Variants in TANC2 observed in about 807,000 individuals in gnomAD.
The protein encoded by TANC2 is tetratricopeptide repeat, ankyrin repeat and coiled-coil containing 2.
In TANC2, 26 loss-of-function variants were observed where a neutral mutation model predicts 210.5. The ratio of observed to expected loss-of-function variants is 0.12; its 90% CI spans 0.09 to 0.17. TANC2 has a LOEUF of 0.17. Among genes scored for constraint, TANC2 ranks in the 10% least tolerant of loss-of-function variants. TANC2 has a pLI of 1.00. For synonymous variants in TANC2, 931 were observed against 967.1 expected, an observed-to-expected ratio of 0.96 and a Z score of 0.69; for missense variants, 2,129 against 2,608.9, an observed-to-expected ratio of 0.82 and a Z score of 4.01.
At chr17:63,188,586 C>CAAA (rs1046526941) in intron 5 of TANC2, among the ~76,000 whole-genome samples, 11 of 58,694 alleles carry the variant, frequency 1.9e-4, no homozygotes, top group African/African-American at 2.4e-4. Context: ...AGACTCTGTC[C>CAAA]AAAAAAAAAA....
At chr17:63,060,318 C>G (rs1054440902) in intron 2 of TANC2, among the ~76,000 whole-genome samples, 2 of 152,222 alleles carry the variant, frequency 1.3e-5, no homozygotes, top group African/African-American at 2.4e-5. Context: ...TACAATCTCT[C>G]TCTTTAAAAG....
At chr17:63,050,470 T>G (rs1351231531) in intron 2 of TANC2, among the ~76,000 whole-genome samples, 1 of 152,014 alleles carries the variant, frequency 6.6e-6, no homozygotes, top group African/African-American at 2.4e-5. Context: ...ACCATCAGCA[T>G]GATAAAACAT....
chr17:62,999,351 T>C (rs1325937353), intron 1 of TANC2, among the ~76,000 whole-genome samples: 1 of 152,168 alleles, frequency 6.6e-6, no homozygotes, highest in African/African-American at 2.4e-5. Flanking sequence ...GCAAGCCAAT[T>C]AAACCTCTTT....
chr17:63,299,916 G>A (rs372720594), intron 9 of TANC2, among the ~76,000 whole-genome samples: 1 of 152,060 alleles, frequency 6.6e-6, no homozygotes, highest in African/African-American at 2.4e-5. Flanking sequence ...ATGGTTTAGG[G>A]TTTTACATTT....
intron 6 of TANC2, among the ~76,000 whole-genome samples, chr17:63,197,158 C>T (rs2041373215): frequency 6.6e-6 from 1 of 152,110 alleles, no homozygotes; most frequent in South Asian, 2.1e-4. Context: ...GGGGAAATTA[C>T]ATCATAGCTT....
rs560603219 is a variant in TANC2, at chr17:63,242,223, T to G, written c.1033+4146T>G. 4.6e-5 allele frequency among the ~76,000 whole-genome samples: 7 copies of G among 152,260 alleles called. No homozygotes were observed. The East Asian group carries it at 1.4e-3, about 29-fold the overall frequency. On this transcript the variant is annotated intron_variant, in intron 8 of 27. Coordinates refer to ENST00000689528, the Ensembl canonical transcript of TANC2. ...GCTAACTGTGAGCTTATGAGATGTC[T>G]AAGACTCCTGTACTCCTATAAAAGC...
At chr17:62,981,891 C>T (rs533893164) in intron 1 of TANC2, among the ~76,000 whole-genome samples, 16 of 152,208 alleles carry the variant, frequency 1.1e-4, no homozygotes, top group African/African-American at 2.9e-4. Context: ...CACATAAGGC[C>T]GGGAGACTCC....
At chr17:63,052,925 A>G (rs1216538156) in intron 2 of TANC2, among the ~76,000 whole-genome samples, 1 of 152,252 alleles carries the variant, frequency 6.6e-6, no homozygotes, top group East Asian at 1.9e-4. Context: ...AGTTATTTGC[A>G]GTCATTTAAA....
chr17:63,300,209 G>A (rs1478788088), intron 9 of TANC2, among the ~76,000 whole-genome samples: 1 of 152,146 alleles, frequency 6.6e-6, no homozygotes, highest in Non-Finnish European at 1.5e-5. Flanking sequence ...TTTGAAGTCA[G>A]GTAGCATGAT....
At chr17:63,380,467 G>A (rs1329476488) in intron 15 of TANC2, among the ~76,000 whole-genome samples, 1 of 152,176 alleles carries the variant, frequency 6.6e-6, no homozygotes, top group Admixed American at 6.5e-5. Flanking sequence ...GCATTAAACT[G>A]GGTACTAGAG....
chr17:63,093,076 T>C (rs2037263170), intron 3 of TANC2, among the ~76,000 whole-genome samples: 1 of 152,154 alleles, frequency 6.6e-6, no homozygotes, highest in Non-Finnish European at 1.5e-5. Context: ...AGTAGAAATT[T>C]TTAATTTTTG....
intron 4 of TANC2, among the ~76,000 whole-genome samples, chr17:63,138,505 T>TG (rs1423412355): frequency 6.6e-6 from 1 of 152,130 alleles, no homozygotes; most frequent in African/African-American, 2.4e-5. Context: ...CTAATAGCCC[T>TG]TGTTCTGCTT....
intron 19 of TANC2, among the ~76,000 whole-genome samples, chr17:63,404,340 C>T (rs915328429): frequency 5.9e-5 from 9 of 152,256 alleles, no homozygotes; most frequent in South Asian, 2.1e-4. Flanking sequence ...AATAGGCGTT[C>T]GTAAAATCTC....
At chr17:63,217,134 T>C (rs2042046938) in intron 7 of TANC2, among the ~76,000 whole-genome samples, 1 of 152,200 alleles carries the variant, frequency 6.6e-6, no homozygotes. Flanking sequence ...TTTAAATCAA[T>C]GAACTGAATT....
At chr17:63,295,783 G>A (rs2044517198) in intron 9 of TANC2, among the ~76,000 whole-genome samples, 1 of 152,154 alleles carries the variant, frequency 6.6e-6, no homozygotes, top group Non-Finnish European at 1.5e-5. Flanking sequence ...TTTGGGTCTA[G>A]TTCTTAAACT....
chr17:63,236,293 T>A lies in TANC2; in HGVS notation c.770-1521T>A, dbSNP rs573116004. ...CTGTAGTTTCTCTAGGACTGATACATGAATTTTTTTAGTTTATTTAAATAG... is the reference window on the plus strand; with the variant it reads ...CTGTAGTTTCTCTAGGACTGATACAAGAATTTTTTTAGTTTATTTAAATAG... On this transcript the variant is annotated intron_variant, in intron 7 of 27. Transcript: ENST00000689528. 2.8e-4 allele frequency among the ~76,000 whole-genome samples: 43 copies of A among 152,182 alleles called. No homozygotes were observed. The South Asian group carries it at 8.9e-3, about 32-fold the overall frequency.
intron 8 of TANC2, among the ~76,000 whole-genome samples, chr17:63,249,595 G>C (rs761073974): frequency 6.6e-6 from 1 of 152,190 alleles, no homozygotes; most frequent in East Asian, 1.9e-4. Flanking sequence ...ACATGTTAAT[G>C]CTTGGAGCTT....
chr17:63,159,738 C>T (rs184350378), intron 5 of TANC2, among the ~76,000 whole-genome samples: 18 of 152,194 alleles, frequency 1.2e-4, no homozygotes, highest in African/African-American at 1.9e-4. Context: ...GCAAATACTA[C>T]GTCATTTTGT....
intron 8 of TANC2, among the ~76,000 whole-genome samples, chr17:63,246,205 G>C (rs1432155306): frequency 1.3e-5 from 2 of 149,436 alleles, no homozygotes; most frequent in African/African-American, 4.9e-5. Flanking sequence ...ATTTTATTGA[G>C]TATATAAACC....
Sources: allele counts gnomAD v4.1 joint callset (sites outside exome capture counted in the v4.1 genomes callset), GRCh38; gene constraint gnomAD v4.1.1; transcripts MANE v1.5; gene names NCBI Gene and HGNC (gene_info 2026-07-23, HGNC 2026-07-21).